ZNF516: variants seen among roughly 807,000 people sequenced by gnomAD.
The protein encoded by ZNF516 is zinc finger protein 516.
Under a neutral mutation model 79.7 loss-of-function variants are expected in ZNF516, and 19 were observed. The ratio of observed to expected loss-of-function variants is 0.24; its 90% CI spans 0.17 to 0.35. The LOEUF (loss-of-function observed/expected upper bound fraction) is 0.35, where lower values mean the gene tolerates loss of function less well. Ranked by LOEUF, ZNF516 falls within the 10% of genes least tolerant of loss-of-function variation. The pLI is 1.00. For synonymous variants in ZNF516, 877 were observed against 739.5 expected (o/e 1.19, Z -3.02); for missense variants, 1,678 against 1,679.5 (o/e 1.00, Z 0.02).
Position 76,441,656 on chromosome 18 carries a change from C to A in ZNF516, c.1399G>T (p.Glu467Ter). ...VLVSQEKRKR[E>*]QDAPAAQGPP... ...CCCTGCGCGGCTGGTGCATCCTGCT[C>A]ACGCTTGCGCTTCTCCTGGCTCACC... Residue 467 changes from glutamate to a stop codon, truncating the protein, a stop_gained, in exon 3 of 7, where the codon GAG becomes TAG. Coordinates refer to ENST00000443185, the MANE Select transcript of ZNF516 (RefSeq NM_014643.4). LOFTEE classifies it high-confidence loss of function. The A allele has an allele frequency of 6.5e-7, 1 of 1,544,216 alleles. No individual in the cohort carries two copies. Among genetic ancestry groups the A allele is most frequent in the Non-Finnish European group, 8.7e-7 (1 of 1,146,376 alleles).
intron 3 of ZNF516, among the ~76,000 whole-genome samples, chr18:76,418,682 G>T (rs2075468330): frequency 6.6e-6 from 1 of 151,778 alleles, no homozygotes; most frequent in Non-Finnish European, 1.5e-5. Context: ...GTGAAAAAAA[G>T]AAAGTGGAAA....
intron 4 of ZNF516, chr18:76,378,087 T>C (rs985671892): frequency 6.6e-6 from 1 of 152,216 alleles, no homozygotes; most frequent in Non-Finnish European, 1.5e-5. Flanking sequence ...TGTTTTGTTT[T>C]GATTTTTAAC....
At position 76,371,386 on chromosome 18, in the gene ZNF516, G is replaced by A. The variant is rs889040706; in HGVS notation, c.3364+81C>T. On this transcript the variant is annotated intron_variant, in intron 5 of 6. Coordinates refer to ENST00000443185, the MANE Select transcript of ZNF516 (RefSeq NM_014643.4). Reference sequence around the variant, plus strand: ...GGGCTGAAATCTCAGTATCTCCCTCGCTGCGGATGGTCAAGCCACTGACAG... The same window carrying A: ...GGGCTGAAATCTCAGTATCTCCCTCACTGCGGATGGTCAAGCCACTGACAG... 3.4e-5 allele frequency: 46 copies of A among 1,359,858 alleles called. No individual in the cohort carries two copies. In the Admixed American group the frequency reaches 6.2e-4, roughly 18 times the overall value. The allele number at this position is 1,359,858 out of a possible 1,614,324, so 84.2% of individuals were successfully genotyped here. A position where few individuals can be genotyped will look rare whatever the true frequency, so the allele number is the denominator to read the frequency against.
chr18:76,427,933 C>T (rs1247009367), intron 3 of ZNF516, among the ~76,000 whole-genome samples: 1 of 152,080 alleles, frequency 6.6e-6, no homozygotes, highest in African/African-American at 2.4e-5. Flanking sequence ...TTCATAAAGG[C>T]AATTTTAGAA....
At chr18:76,478,166 A>T (rs1914285255) in intron 1 of ZNF516, among the ~76,000 whole-genome samples, 1 of 152,246 alleles carries the variant, frequency 6.6e-6, no homozygotes. Context: ...AGAGAGTGAC[A>T]GATTCATAAA....
At chr18:76,488,042 T>C in intron 1 of ZNF516, 1 of 984,930 alleles carries the variant, frequency 1.0e-6, no homozygotes, top group Non-Finnish European at 1.2e-6. Flanking sequence ...AAACAGAGGC[T>C]TGTCCACAGC....
chr18:76,386,583 A>G (rs1008627274), intron 3 of ZNF516: 1 of 152,228 alleles, frequency 6.6e-6, no homozygotes, highest in Non-Finnish European at 1.5e-5. Flanking sequence ...TTAAGCGACC[A>G]TAATTCTAAG....
At chr18:76,446,821 C>A (rs1912080149) in intron 2 of ZNF516, among the ~76,000 whole-genome samples, 1 of 152,216 alleles carries the variant, frequency 6.6e-6, no homozygotes, top group African/African-American at 2.4e-5. Context: ...TGCTGTAAAT[C>A]CCTGTGAGAA....
At chr18:76,392,318 C>T (rs891242418) in intron 3 of ZNF516, among the ~76,000 whole-genome samples, 1 of 152,236 alleles carries the variant, frequency 6.6e-6, no homozygotes, top group African/African-American at 2.4e-5. Context: ...TATAGTTTTA[C>T]AATCTTCTGG....
intron 2 of ZNF516, among the ~76,000 whole-genome samples, chr18:76,454,047 A>G (rs1345364758): frequency 6.6e-6 from 1 of 152,212 alleles, no homozygotes; most frequent in Non-Finnish European, 1.5e-5. Flanking sequence ...GCTTTTTGTG[A>G]AAGACCCTAG....
chr18:76,453,399 A>G (rs1428875387), intron 2 of ZNF516, among the ~76,000 whole-genome samples: 1 of 152,228 alleles, frequency 6.6e-6, no homozygotes, highest in East Asian at 1.9e-4. Flanking sequence ...CCACAAAAAC[A>G]GAACAGATCA....
intron 4 of ZNF516, among the ~76,000 whole-genome samples, chr18:76,374,949 A>C (rs1182699480): frequency 1.3e-5 from 2 of 152,232 alleles, no homozygotes; most frequent in African/African-American, 4.8e-5. Flanking sequence ...TTCTAGACTC[A>C]TGACTCAAAA....
intron 3 of ZNF516, among the ~76,000 whole-genome samples, chr18:76,391,434 C>G (rs2075073136): frequency 6.6e-6 from 1 of 152,154 alleles, no homozygotes; most frequent in Non-Finnish European, 1.5e-5. Flanking sequence ...AACTCTAACA[C>G]TATTAACCCT....
intron 3 of ZNF516, among the ~76,000 whole-genome samples, chr18:76,435,467 CAT>C (rs534666774): frequency 8.5e-4 from 129 of 152,298 alleles, no homozygotes; most frequent in African/African-American, 2.8e-3. Flanking sequence ...TCGGAAAGCA[CAT>C]GAGGACACCC....
chr18:76,433,686 G>T (rs1255658973), intron 3 of ZNF516, among the ~76,000 whole-genome samples: 14 of 152,298 alleles, frequency 9.2e-5, no homozygotes, highest in African/African-American at 3.4e-4. Flanking sequence ...CTTGCAAGGA[G>T]GAACACCAAA....
rs1054522746 is a variant in ZNF516, at chr18:76,459,932, G to C, written c.-158+3096C>G. Among the ~76,000 whole-genome samples, 4 of 152,222 alleles carry C rather than the reference G, an allele frequency of 2.6e-5. No homozygotes were observed. The highest frequency in any genetic ancestry group is 4.4e-5 in the Non-Finnish European group (3 of 68,044). The stretch of plus-strand genomic sequence containing the variant: ...AGCCTCCTTGGCATCGGGCAGGTCT[G>C]TCTCACCAGTCCCAAATAATGAATC... On this transcript the variant is annotated intron_variant, in intron 2 of 6. Transcript: ENST00000443185. The surrounding 1 kb of genome is among the most constrained non-coding windows in gnomAD (Gnocchi z 5.0).
chr18:76,413,597 T>C (rs2064328563), intron 3 of ZNF516, among the ~76,000 whole-genome samples: 1 of 152,218 alleles, frequency 6.6e-6, no homozygotes, highest in Non-Finnish European at 1.5e-5. Flanking sequence ...TGGTTCAATT[T>C]CATCCCCTCG....
At chr18:76,490,627 A>G (rs1310377754) in intron 1 of ZNF516, 10 of 342,042 alleles carry the variant, frequency 2.9e-5, no homozygotes, top group Admixed American at 1.3e-4. Context: ...TTTCTTTAAT[A>G]GTATTTACTC....
rs201999007 is a variant in ZNF516 at position 76,359,830 on chromosome 18, A to G, written c.*2668T>C. 7.9e-6 allele frequency: 1 copy of G among 127,168 alleles called. No homozygotes were observed. The highest frequency in any genetic ancestry group is 1.5e-5 in the Non-Finnish European group (1 of 67,618). 7.9% of individuals were successfully genotyped at this position (127,168 alleles called of 1,614,324 possible). A position where few individuals can be genotyped will look rare whatever the true frequency, so the allele number is the denominator to read the frequency against. ...GTATCATGCAGAAATTACCATTCGGAAAAAAAAAGGCAATCAAAACGGTGG... is the reference window on the plus strand; with the variant it reads ...GTATCATGCAGAAATTACCATTCGGGAAAAAAAAGGCAATCAAAACGGTGG... On this transcript the variant is annotated 3_prime_UTR_variant, in exon 7 of 7. Coordinates refer to ENST00000443185, the MANE Select transcript of ZNF516 (RefSeq NM_014643.4).
Sources: gnomAD v4.1 joint callset for allele counts (sites outside exome capture counted in the v4.1 genomes callset) on GRCh38, gnomAD v4.1.1 for gene constraint, Gnocchi (gnomAD v3.1) non-coding constraint, MANE v1.5 for transcripts, NCBI Gene and HGNC (gene_info 2026-07-23, HGNC 2026-07-21) for gene names.